The following BIRC3 variants were observed in gnomAD, a reference collection of about 807,000 sequenced individuals.
The protein encoded by BIRC3 is baculoviral IAP repeat containing 3, also known as baculoviral IAP repeat-containing protein 3.
A neutral mutation model predicts 59.0 loss-of-function variants in BIRC3; 26 were observed. The ratio of observed to expected loss-of-function variants is 0.44; its 90% CI spans 0.32 to 0.61. The LOEUF (loss-of-function observed/expected upper bound fraction) is 0.61, where lower values mean the gene tolerates loss of function less well. Ranked by LOEUF, BIRC3 falls within the 20% of genes least tolerant of loss-of-function variation. The probability of loss-of-function intolerance (pLI) is 0.04; values close to 1 mark genes in which losing one functional copy is unlikely to be tolerated. For synonymous variants in BIRC3, 243 were observed against 249.2 expected, an observed-to-expected ratio of 0.98 and a Z score of 0.24; for missense variants, 641 against 711.5, an observed-to-expected ratio of 0.90 and a Z score of 1.13.
At chr11:102,328,812 T>G (rs539416906) in intron 4 of BIRC3, 85 bp from the exon 5 acceptor site, 10 of 480,218 alleles carry the variant, frequency 2.1e-5, no homozygotes, top group Admixed American at 5.0e-5. Context: ...ATATGTCTGT[T>G]GGGTCATTTT....
intron 6 of BIRC3, 90 bp downstream of exon 6, chr11:102,331,331 A>C: frequency 7.8e-7 from 1 of 1,283,202 alleles, no homozygotes; most frequent in Non-Finnish European, 1.0e-6. Flanking sequence ...GCATATCTGA[A>C]AATATACTCA....
Position 102,324,540 on chromosome 11 carries a change from T to A in BIRC3, c.31T>A (p.Ser11Thr). Residue 11 changes from serine (S) to threonine (T), a missense_variant, in exon 2 of 9, where the codon TCA becomes ACA. By Grantham distance (58) the Ser-to-Thr change is moderately conservative (BLOSUM62 1). Coordinates refer to ENST00000263464, the MANE Select transcript of BIRC3 (RefSeq NM_001165.5). ...CATAGTAGAAAACAGCATATTCTTATCAAATTTGATGAAAAGCGCCAACAC... is the reference window on the plus strand; with the variant it reads ...CATAGTAGAAAACAGCATATTCTTAACAAATTTGATGAAAAGCGCCAACAC... MNIVENSIFL[S>T]NLMKSANTFE... 3.7e-6 allele frequency: 6 copies of A among 1,613,818 alleles called. No homozygotes were observed. The highest frequency in any genetic ancestry group is 5.1e-6 in the Non-Finnish European group (6 of 1,179,776).
Position 102,321,478 on chromosome 11 carries a change from C to T in BIRC3, c.-2673-359C>T, listed in dbSNP as rs547935337. On this transcript the variant is annotated intron_variant, in intron 1 of 8. Coordinates refer to ENST00000263464, the MANE Select transcript of BIRC3 (RefSeq NM_001165.5). ...CACATGATTCTCCTGCCTCAGCCTC[C>T]GGAGTAGCTGGGATTACAGGCGCGT... is the stretch of plus-strand genomic sequence containing the variant. 1.1e-4 allele frequency among the ~76,000 whole-genome samples: 16 copies of T among 152,218 alleles called. No homozygotes were observed. The East Asian group carries it at 1.2e-3, about 11-fold the overall frequency.
At chr11:102,319,476 C>A (rs560206435) in intron 1 of BIRC3, among the ~76,000 whole-genome samples, 9 of 152,146 alleles carry the variant, frequency 5.9e-5, no homozygotes, top group African/African-American at 2.2e-4. Flanking sequence ...GGATTAAGAA[C>A]AAGATTTCTG....
rs888773975 is a variant in BIRC3 at position 102,338,547 on chromosome 11, A to G, written c.*1445A>G. The stretch of plus-strand genomic sequence containing the variant: ...CAGCCCTGAAGAATAGTGATTGGAA[A>G]AAAAGGATATGATCTAATGGGAATA... On this transcript the variant is annotated 3_prime_UTR_variant, in exon 9 of 9. Coordinates refer to ENST00000263464, the MANE Select transcript of BIRC3 (RefSeq NM_001165.5). The G allele has an allele frequency of 4.4e-6, 1 of 229,352 alleles. No homozygotes were observed. The highest frequency in any genetic ancestry group is 2.2e-5 in the African/African-American group (1 of 45,090). The allele number at this position is 229,352 out of a possible 1,614,324, so 14.2% of individuals were successfully genotyped here. A position where few individuals can be genotyped will look rare whatever the true frequency, so the allele number is the denominator to read the frequency against.
chr11:102,320,202 G>C (rs1191429565), intron 1 of BIRC3: 1 of 151,970 alleles, frequency 6.6e-6, no homozygotes, highest in African/African-American at 2.4e-5. Context: ...TGTGTAAGGG[G>C]TTTGCAAACT....
chr11:102,317,997 G>A (rs550297045), intron 1 of BIRC3, among the ~76,000 whole-genome samples: 2 of 152,164 alleles, frequency 1.3e-5, no homozygotes, highest in Admixed American at 6.5e-5. Flanking sequence ...TAGGAAGACA[G>A]CAGTTTTTGG....
rs530759962 is a variant in BIRC3, at chr11:102,338,712, A to G, written c.*1610A>G. 2.2e-5 allele frequency: 5 copies of G among 228,624 alleles called. No individual in the cohort carries two copies. The East Asian group carries it at 3.1e-4, about 14-fold the overall frequency. The allele number at this position is 228,624 out of a possible 1,614,324, so 14.2% of individuals were successfully genotyped here. ...CCTGCTATCAAGCAAGGTAGGTCAG[A>G]GAATTTATTTATGGCCAGCTCTTAC... On this transcript the variant is annotated 3_prime_UTR_variant, in exon 9 of 9. Coordinates refer to ENST00000263464, the MANE Select transcript of BIRC3 (RefSeq NM_001165.5).
intron 1 of BIRC3, chr11:102,320,400 G>A (rs1232524231): frequency 6.6e-6 from 1 of 152,080 alleles, no homozygotes; most frequent in Non-Finnish European, 1.5e-5. Flanking sequence ...TGGGACCACA[G>A]GCAGGTGCCA....
chr11:102,332,411 T>C (rs529883638), intron 6 of BIRC3, among the ~76,000 whole-genome samples: 1 of 152,168 alleles, frequency 6.6e-6, no homozygotes, highest in Admixed American at 6.5e-5. Flanking sequence ...CTGTGACCTC[T>C]CTTAGTGCCC....
chr11:102,332,266 C>T (rs1951150544), intron 6 of BIRC3, among the ~76,000 whole-genome samples: 1 of 152,182 alleles, frequency 6.6e-6, no homozygotes, highest in South Asian at 2.1e-4. Context: ...CTCTCCTTTC[C>T]CAAGCATGGA....
rs1452513000 is a variant in BIRC3 at position 102,323,959 on chromosome 11, C to G, written c.-551C>G. 4.9e-6 allele frequency: 1 copy of G among 205,152 alleles called. No individual in the cohort carries two copies. The highest frequency in any genetic ancestry group is 1.0e-5 in the Non-Finnish European group (1 of 100,378). The allele number at this position is 205,152 out of a possible 1,614,324, so 12.7% of individuals were successfully genotyped here. ...AATATGGTAATGTATTATTTTCCTC[C>G]TTTGAGTTAGGTCTTGTGCTTTTTT... On this transcript the variant is annotated 5_prime_UTR_variant, in exon 2 of 9. Transcript: ENST00000263464.
At position 102,337,248 on chromosome 11, in the gene BIRC3, A is replaced by T. The variant is rs1051267803; in HGVS notation, c.*146A>T. ...TTTTGTGTAACATATTTATATATGTATCTAAACCATATGAACATATATTTT... is the reference window on the plus strand; with the variant it reads ...TTTTGTGTAACATATTTATATATGTTTCTAAACCATATGAACATATATTTT... On this transcript the variant is annotated 3_prime_UTR_variant, in exon 9 of 9. Coordinates refer to ENST00000263464, the MANE Select transcript of BIRC3 (RefSeq NM_001165.5). 10 of 529,376 alleles carry T rather than the reference A, an allele frequency of 1.9e-5. No homozygotes were observed. Among genetic ancestry groups the T allele is most frequent in the African/African-American group, 4.0e-5 (2 of 50,272 alleles). The allele number at this position is 529,376 out of a possible 1,614,324, so 32.8% of individuals were successfully genotyped here.
chr11:102,331,579 T>A (rs1354306824), intron 6 of BIRC3, among the ~76,000 whole-genome samples: 1 of 152,178 alleles, frequency 6.6e-6, no homozygotes, highest in African/African-American at 2.4e-5. Flanking sequence ...TGTTGCATCA[T>A]GGCACATTTT....
At chr11:102,326,123 G>T (rs935697362) in intron 3 of BIRC3, among the ~76,000 whole-genome samples, 1 of 152,136 alleles carries the variant, frequency 6.6e-6, no homozygotes, top group African/African-American at 2.4e-5. Flanking sequence ...GGCAGGCATT[G>T]TTCTGGGTGC....
chr11:102,317,846 T>G (rs1950986430), intron 1 of BIRC3, among the ~76,000 whole-genome samples: 1 of 152,252 alleles, frequency 6.6e-6, no homozygotes, highest in Non-Finnish European at 1.5e-5. Context: ...AGTTGTGGCA[T>G]TTTGATTCGG....
rs1483954709 is a variant in BIRC3, at chr11:102,337,737, C to T, written c.*635C>T. The T allele has an allele frequency of 4.0e-6, 1 of 252,470 alleles. No individual in the cohort carries two copies. Among genetic ancestry groups the T allele is most frequent in the East Asian group, 5.8e-5 (1 of 17,194 alleles). The allele number at this position is 252,470 out of a possible 1,614,324, so 15.6% of individuals were successfully genotyped here. On this transcript the variant is annotated 3_prime_UTR_variant, in exon 9 of 9. Coordinates refer to ENST00000263464, the MANE Select transcript of BIRC3 (RefSeq NM_001165.5). ...TAAAGCAACAAAAATTACTCTTATT[C>T]TTCATTGCTTTATTTCAATGACATT...
At chr11:102,333,009 T>C (rs1279949380) in intron 6 of BIRC3, among the ~76,000 whole-genome samples, 1 of 152,174 alleles carries the variant, frequency 6.6e-6, no homozygotes, top group East Asian at 1.9e-4. Context: ...TTATATTTCT[T>C]TCAAAGACAA....
intron 1 of BIRC3, among the ~76,000 whole-genome samples, chr11:102,318,999 T>A (rs1390333721): frequency 6.6e-6 from 1 of 151,330 alleles, no homozygotes; most frequent in Non-Finnish European, 1.5e-5. Context: ...AGAGAAGGGG[T>A]GATACAGGGT....
Sources: gnomAD v4.1 joint callset for allele counts (sites outside exome capture counted in the v4.1 genomes callset) on GRCh38, gnomAD v4.1.1 for gene constraint, MANE v1.5 for transcripts, NCBI Gene and HGNC (gene_info 2026-07-23, HGNC 2026-07-21) for gene names.